GNG12: variants seen among roughly 807,000 people sequenced by gnomAD.
GNG12 encodes the protein guanine nucleotide-binding protein G(I)/G(S)/G(O) subunit gamma-12.
For missense variants in GNG12, 69 were observed against 83.8 expected, an observed-to-expected ratio of 0.82 and a Z score of 0.69; for synonymous variants, 28 against 29.7, an observed-to-expected ratio of 0.94 and a Z score of 0.19.
intron 2 of GNG12, among the ~76,000 whole-genome samples, chr1:67,732,327 T>C (rs1007760137): frequency 3.9e-5 from 6 of 152,254 alleles, no homozygotes; most frequent in Admixed American, 1.3e-4. Flanking sequence ...GCCTGTTTAA[T>C]GCTTAGCACC....
At chr1:67,744,086 G>A (rs188237304) in intron 2 of GNG12, among the ~76,000 whole-genome samples, 2 of 152,258 alleles carry the variant, frequency 1.3e-5, no homozygotes, top group Admixed American at 6.5e-5. Context: ...GTATTTACTG[G>A]ATGCTTCCTA....
At position 67,800,199 on chromosome 1, in the gene GNG12, T is replaced by C. The variant is rs149092344; in HGVS notation, c.-76-22692A>G. Among the ~76,000 whole-genome samples the C allele has an allele frequency of 3.2e-4, 48 of 152,310 alleles. No individual in the cohort carries two copies. In the East Asian group the frequency reaches 8.7e-3, roughly 27 times the overall value. On this transcript the variant is annotated intron_variant, in intron 1 of 3. Transcript: ENST00000370982. ...CACTGAAAAATATTGGTTCACTGAATTATACAGGTTTTCCAAATGTTGACA... is the reference window on the plus strand; with the variant it reads ...CACTGAAAAATATTGGTTCACTGAACTATACAGGTTTTCCAAATGTTGACA...
rs1457534657 is a variant in GNG12 at position 67,704,928 on chromosome 1, A to G, written c.*523T>C. The G allele has an allele frequency of 2.0e-5, 3 of 152,320 alleles. No homozygotes were observed. Among genetic ancestry groups the G allele is most frequent in the Non-Finnish European group, 4.4e-5 (3 of 68,122 alleles). The allele number at this position is 152,320 out of a possible 1,614,324, so 9.4% of individuals were successfully genotyped here. Reference sequence around the variant, plus strand: ...CTTCTGGAACTGAGAAACTGATGGTATGGAGAGAGGGACGTTTTCATAAGA... The same window carrying G: ...CTTCTGGAACTGAGAAACTGATGGTGTGGAGAGAGGGACGTTTTCATAAGA... On this transcript the variant is annotated 3_prime_UTR_variant, in exon 4 of 4. Coordinates refer to ENST00000370982, the MANE Select transcript of GNG12 (RefSeq NM_018841.6).
chr1:67,817,973 G>A (rs1391998310), intron 1 of GNG12, among the ~76,000 whole-genome samples: 3 of 151,762 alleles, frequency 2.0e-5, no homozygotes, highest in Non-Finnish European at 2.9e-5. Context: ...TTTTTGTAGC[G>A]ATAGGGTTTC....
intron 2 of GNG12, among the ~76,000 whole-genome samples, chr1:67,709,546 G>C (rs191717359): frequency 2.7e-4 from 41 of 152,000 alleles, no homozygotes; most frequent in Admixed American, 2.7e-3. Context: ...GGCAGGGTGG[G>C]CTTGCCTTGT....
chr1:67,703,835 C>T lies in GNG12; in HGVS notation c.*1616G>A, dbSNP rs1371580421. 6.6e-6 allele frequency: 1 copy of T among 152,242 alleles called. No individual in the cohort carries two copies. Among genetic ancestry groups the T allele is most frequent in the Admixed American group, 6.5e-5 (1 of 15,278 alleles). 9.4% of individuals were successfully genotyped at this position (152,242 alleles called of 1,614,324 possible). ...AATGAGCTAATACTCAAAGCCCAGACATTAGATTTTAAAAGGGGTTTGCTT... is the reference window on the plus strand; with the variant it reads ...AATGAGCTAATACTCAAAGCCCAGATATTAGATTTTAAAAGGGGTTTGCTT... On this transcript the variant is annotated 3_prime_UTR_variant, in exon 4 of 4. Transcript: ENST00000370982.
Position 67,705,511 on chromosome 1 carries a change from C to G in GNG12, c.159G>C (p.Leu53=). 6.2e-7 allele frequency: 1 copy of G among 1,614,136 alleles called. No individual in the cohort carries two copies. Among genetic ancestry groups the G allele is most frequent in the Middle Eastern group, 1.6e-4 (1 of 6,062 alleles). The part of the protein sequence containing the change: ...CEEHARSDPL[L]IGIPTSENPF... ...GGTTTTCTGAAGTTGGTATTCCTAT[C>G]AGCAAAGGGTCACTCCTGGCATGTT... The change falls in exon 4 of 4, where the codon CTG becomes CTC. Residue 53 remains leucine (L), a synonymous_variant. Coordinates refer to ENST00000370982, the MANE Select transcript of GNG12 (RefSeq NM_018841.6).
rs1369637088 is a variant in GNG12 at position 67,710,220 on chromosome 1, ATATATATATAGT to A, written c.-26-2520_-26-2509del. 3.1e-4 allele frequency among the ~76,000 whole-genome samples: 31 copies of A among 101,126 alleles called. 1 individual carries two copies. The highest frequency in any genetic ancestry group is 1.3e-3 in the African/African-American group (29 of 23,154). 66.3% of individuals were successfully genotyped at this position (101,126 alleles called of 152,430 possible). ...TATATATATAGTTATATATATAGTT[ATATATATATAGT>A]TATATATATAGTTATATATATATAT... On this transcript the variant is annotated intron_variant, in intron 2 of 3. Transcript: ENST00000370982.
At chr1:67,747,321 T>C (rs1646513178) in intron 2 of GNG12, among the ~76,000 whole-genome samples, 1 of 152,150 alleles carries the variant, frequency 6.6e-6, no homozygotes, top group Non-Finnish European at 1.5e-5. Flanking sequence ...GGTTTCACCA[T>C]ATTGGCCAGG....
chr1:67,790,188 C>A (rs1306070788), intron 1 of GNG12, among the ~76,000 whole-genome samples: 2 of 152,204 alleles, frequency 1.3e-5, no homozygotes, highest in East Asian at 3.8e-4. Context: ...GTACAACCCA[C>A]CTGTTCTTAT....
At chr1:67,790,679 G>A (rs921190373) in intron 1 of GNG12, among the ~76,000 whole-genome samples, 5 of 150,188 alleles carry the variant, frequency 3.3e-5, no homozygotes, top group East Asian at 3.9e-4. Context: ...GCACTATCTC[G>A]GCTCTCTGTA....
At chr1:67,810,906 T>C (rs1646920809) in intron 1 of GNG12, among the ~76,000 whole-genome samples, 1 of 152,222 alleles carries the variant, frequency 6.6e-6, no homozygotes, top group South Asian at 2.1e-4. Flanking sequence ...CAAATGACAC[T>C]GAATTTATTA....
intron 2 of GNG12, among the ~76,000 whole-genome samples, chr1:67,740,473 GC>G (rs1300675902): frequency 6.6e-6 from 1 of 152,240 alleles, no homozygotes; most frequent in Non-Finnish European, 1.5e-5. Flanking sequence ...GCAGAGTTAA[GC>G]AGTTGTGATA....
intron 1 of GNG12, among the ~76,000 whole-genome samples, chr1:67,802,161 CAT>C (rs1484377157): frequency 6.6e-6 from 1 of 152,056 alleles, no homozygotes; most frequent in Non-Finnish European, 1.5e-5. Flanking sequence ...GGAATGAACT[CAT>C]ATGAAGGGGC....
In GNG12 at chr1:67,702,884, T is replaced by G. The variant is rs138130784; in HGVS notation, c.*2567A>C. On this transcript the variant is annotated 3_prime_UTR_variant, in exon 4 of 4. Transcript: ENST00000370982. ...ATGAAGCCAAGAAGTTGCATGTATATACGTGAGAAAGATTATCATTACAGT... is the reference window on the plus strand; with the variant it reads ...ATGAAGCCAAGAAGTTGCATGTATAGACGTGAGAAAGATTATCATTACAGT... 1.3e-5 allele frequency: 2 copies of G among 152,322 alleles called. No homozygotes were observed. The highest frequency in any genetic ancestry group is 3.9e-4 in the East Asian group (2 of 5,192). The allele number at this position is 152,322 out of a possible 1,614,324, so 9.4% of individuals were successfully genotyped here. A position where few individuals can be genotyped will look rare whatever the true frequency, so the allele number is the denominator to read the frequency against.
chr1:67,833,113 C>T (rs1308537737), intron 1 of GNG12, among the ~76,000 whole-genome samples: 1 of 151,590 alleles, frequency 6.6e-6, no homozygotes, highest in Admixed American at 6.6e-5. Context: ...TGTCCCTTGG[C>T]CCCTTCCTCC....
chr1:67,744,980 G>A lies in GNG12; in HGVS notation c.-27+32478C>T, dbSNP rs539103453. 1.2e-4 allele frequency among the ~76,000 whole-genome samples: 19 copies of A among 152,294 alleles called. No individual in the cohort carries two copies. In the South Asian group the frequency reaches 3.1e-3, roughly 25 times the overall value. ...CTTGCTATATGACTGAGGGCAAGTC[G>A]CTTATTTTCTCTGTACCTCTTTCTA... is the stretch of plus-strand genomic sequence containing the variant. On this transcript the variant is annotated intron_variant, in intron 2 of 3. Coordinates refer to ENST00000370982, the MANE Select transcript of GNG12 (RefSeq NM_018841.6).
intron 2 of GNG12, among the ~76,000 whole-genome samples, chr1:67,754,044 T>C (rs1646554175): frequency 6.6e-6 from 1 of 152,218 alleles, no homozygotes; most frequent in East Asian, 1.9e-4. Context: ...GGCCACTTTG[T>C]GCAGCTCAGT....
At chr1:67,821,368 C>T (rs1032292964) in intron 1 of GNG12, among the ~76,000 whole-genome samples, 2 of 152,050 alleles carry the variant, frequency 1.3e-5, no homozygotes, top group African/African-American at 4.8e-5. Flanking sequence ...ATCCCAAGCA[C>T]GAGAAGGATT....
Sources: allele counts gnomAD v4.1 joint callset (sites outside exome capture counted in the v4.1 genomes callset), GRCh38; gene constraint gnomAD v4.1.1; transcripts MANE v1.5; gene names NCBI Gene and HGNC (gene_info 2026-07-23, HGNC 2026-07-21).